TYW1: variants seen among roughly 807,000 people sequenced by gnomAD.
TYW1 encodes the protein S-adenosyl-L-methionine-dependent tRNA 4-demethylwyosine synthase TYW1.
In TYW1, 46 loss-of-function variants were observed where a neutral mutation model predicts 96.2. The ratio of observed to expected loss-of-function variants is 0.48; its 90% CI spans 0.38 to 0.61. The LOEUF is 0.61. TYW1 is among the 20% of genes least tolerant of loss of function. The probability of loss-of-function intolerance (pLI) is 0.00; values close to 1 mark genes in which losing one functional copy is unlikely to be tolerated. For synonymous variants in TYW1, 274 were observed against 323.0 expected (o/e 0.85, Z 1.63); for missense variants, 684 against 909.6 (o/e 0.75, Z 3.19).
At chr7:67,134,158 A>G (rs1184613202) in intron 13 of TYW1, among the ~76,000 whole-genome samples, 1 of 152,090 alleles carries the variant, frequency 6.6e-6, no homozygotes, top group African/African-American at 2.4e-5. Context: ...TAAAAATAGG[A>G]TTAATATAAT....
chr7:67,212,224 G>A (rs982999471), intron 15 of TYW1, among the ~76,000 whole-genome samples: 8 of 149,900 alleles, frequency 5.3e-5, no homozygotes, highest in African/African-American at 2.0e-4. Context: ...ATACTATGTA[G>A]TTTTATCAAA....
At chr7:67,096,007 A>G (rs1278532014) in intron 11 of TYW1, among the ~76,000 whole-genome samples, 1 of 152,218 alleles carries the variant, frequency 6.6e-6, no homozygotes, top group Admixed American at 6.5e-5. Context: ...ACACTCCGCT[A>G]AGGCCTTTAC....
intron 13 of TYW1, among the ~76,000 whole-genome samples, chr7:67,167,418 G>T (rs1235417561): frequency 4.3e-5 from 6 of 139,054 alleles, no homozygotes; most frequent in Non-Finnish European, 7.5e-5. Context: ...GCAGTGAGCC[G>T]AGATTGCGGC....
chr7:67,118,888 A>G (rs1797679759), intron 13 of TYW1, among the ~76,000 whole-genome samples: 1 of 79,352 alleles, frequency 1.3e-5, no homozygotes, highest in Non-Finnish European at 2.5e-5. Flanking sequence ...GAAAAAAAAA[A>G]AAAAAAAAAA....
intron 5 of TYW1, among the ~76,000 whole-genome samples, chr7:67,017,275 G>A (rs1052393438): frequency 1.3e-4 from 20 of 152,100 alleles, no homozygotes; most frequent in African/African-American, 4.3e-4. Flanking sequence ...GAGACACTTC[G>A]CCTGGCGTAG....
intron 13 of TYW1, among the ~76,000 whole-genome samples, chr7:67,158,596 G>A (rs1799060215): frequency 6.6e-6 from 1 of 151,964 alleles, no homozygotes. Flanking sequence ...TGGAGACGGA[G>A]TCTTGCTCTG....
intron 13 of TYW1, among the ~76,000 whole-genome samples, chr7:67,128,008 A>G (rs1032239404): frequency 1.3e-5 from 2 of 151,998 alleles, no homozygotes; most frequent in African/African-American, 4.8e-5. Flanking sequence ...TGAAACTTAC[A>G]TGCTTATCTA....
chr7:67,094,258 G>T (rs1054878307), intron 11 of TYW1, among the ~76,000 whole-genome samples: 1 of 152,066 alleles, frequency 6.6e-6, no homozygotes, highest in Non-Finnish European at 1.5e-5. Context: ...TGGACACTTA[G>T]GTCATGGTTT....
At chr7:67,124,213 T>C (rs1797848680) in intron 13 of TYW1, among the ~76,000 whole-genome samples, 1 of 152,260 alleles carries the variant, frequency 6.6e-6, no homozygotes, top group Non-Finnish European at 1.5e-5. Context: ...ATTTCACTTA[T>C]AAAATTGAAA....
chr7:67,028,377 G>A (rs1233619226), intron 7 of TYW1, among the ~76,000 whole-genome samples: 7 of 152,172 alleles, frequency 4.6e-5, no homozygotes, highest in Middle Eastern at 3.4e-3. Context: ...GTGAAACCCC[G>A]TCTTTTCTGA....
Position 67,017,994 on chromosome 7 carries a change from T to C in TYW1, c.712T>C (p.Ser238Pro). 2 of 1,614,050 alleles carry C rather than the reference T, an allele frequency of 1.2e-6. No homozygotes were observed. Among genetic ancestry groups the C allele is most frequent in the Non-Finnish European group, 1.7e-6 (2 of 1,180,016 alleles). ...DFRAWKTKFI[S>P]QLQALQKGER... is the part of the protein sequence containing the mutation. ...CAGAGCATGGAAGACCAAGTTCATC[T>C]CCCAGCTGCAGGCACTTCAGAAAGG... The change falls in exon 6 of 16, where the codon TCC (serine) becomes CCC (proline). Residue 238 changes from serine (S) to proline (P), a missense_variant. By Grantham distance (74) the Ser-to-Pro change is moderately conservative. Transcript: ENST00000359626.
At position 67,162,488 on chromosome 7, in the gene TYW1, T is replaced by C. The variant is rs186532666; in HGVS notation, c.1699-20638T>C. Reference sequence around the variant, plus strand: ...ATAGACCTGCTCTAAGGCATATTGATTTTAGAGATGTATAGTTTGGGGCTG... The same window carrying C: ...ATAGACCTGCTCTAAGGCATATTGACTTTAGAGATGTATAGTTTGGGGCTG... On this transcript the variant is annotated intron_variant, in intron 13 of 15. Coordinates refer to ENST00000359626, the MANE Select transcript of TYW1 (RefSeq NM_018264.4). Among the ~76,000 whole-genome samples, 585 of 152,304 alleles carry C rather than the reference T, an allele frequency of 3.8e-3. 3 individuals are homozygous for C. Among genetic ancestry groups the C allele is most frequent in the Non-Finnish European group, 5.5e-3 (377 of 68,016 alleles).
intron 13 of TYW1, among the ~76,000 whole-genome samples, chr7:67,176,301 G>T (rs546177985): frequency 6.6e-6 from 1 of 152,218 alleles, no homozygotes; most frequent in East Asian, 1.9e-4. Context: ...GCAGATTCAG[G>T]GTTGTAAAAG....
intron 10 of TYW1, among the ~76,000 whole-genome samples, chr7:67,072,536 C>T (rs117673214): frequency 0.044 from 6,756 of 151,900 alleles, 189 homozygotes; most frequent in Non-Finnish European, 0.051. Flanking sequence ...AGTGAGCCAC[C>T]GCGCCTGACC....
intron 15 of TYW1, among the ~76,000 whole-genome samples, chr7:67,227,548 AACC>A (rs1031404438): frequency 6.6e-6 from 1 of 151,944 alleles, no homozygotes; most frequent in Non-Finnish European, 1.5e-5. Context: ...TGAGCCACCA[AACC>A]CGGCCCCCAC....
chr7:67,230,652 C>CTCTTTTTTT (rs1801723540), intron 15 of TYW1, among the ~76,000 whole-genome samples: 1 of 119,560 alleles, frequency 8.4e-6, no homozygotes, highest in Non-Finnish European at 1.7e-5. Context: ...CTTATTATCT[C>CTCTTTTTTT]TTTTTTTTTT....
At chr7:67,235,621 G>A (rs1584728198) in intron 15 of TYW1, among the ~76,000 whole-genome samples, 1 of 152,270 alleles carries the variant, frequency 6.6e-6, no homozygotes, top group South Asian at 2.1e-4. Context: ...GCTGGGTGCA[G>A]TGGCTCACGC....
chr7:67,023,589 G>A (rs1794350835), intron 6 of TYW1, among the ~76,000 whole-genome samples: 1 of 151,948 alleles, frequency 6.6e-6, no homozygotes, highest in East Asian at 1.9e-4. Flanking sequence ...CTGACATGGT[G>A]AAACCCTGTC....
rs562666232 is a variant in TYW1, at chr7:67,134,415, C to T, written c.1698+16797C>T. ...AAAATTAGCCTGGCATGGTGGCAGG[C>T]GCCTGTAATTCAGCTACTCAGGAGG... On this transcript the variant is annotated intron_variant, in intron 13 of 15. Transcript: ENST00000359626. Among the ~76,000 whole-genome samples the T allele has an allele frequency of 1.0e-3, 137 of 136,622 alleles. 1 individual carries two copies. The highest frequency in any genetic ancestry group is 3.5e-3 in the African/African-American group (114 of 32,590). 89.6% of individuals were successfully genotyped at this position (136,622 alleles called of 152,430 possible).
Sources: gnomAD v4.1 joint callset for allele counts (sites outside exome capture counted in the v4.1 genomes callset) on GRCh38, gnomAD v4.1.1 for gene constraint, MANE v1.5 for transcripts, NCBI Gene and HGNC (gene_info 2026-07-23, HGNC 2026-07-21) for gene names.